The following COL15A1 variants were observed in gnomAD, a reference collection of about 807,000 sequenced individuals.
COL15A1 encodes collagen alpha-1(XV) chain.
A neutral mutation model predicts 165.9 loss-of-function variants in COL15A1; 111 were observed. The observed-to-expected ratio is 0.67, with a 90% CI of 0.57 to 0.78. The LOEUF is 0.78. Ranked by LOEUF, COL15A1 falls within the 30% of genes least tolerant of loss-of-function variation. The probability of loss-of-function intolerance (pLI) is 0.00; values close to 1 mark genes in which losing one functional copy is unlikely to be tolerated. For synonymous variants in COL15A1, 659 were observed against 674.8 expected (o/e 0.98, Z 0.36); for missense variants, 1,745 against 1,789.7 (o/e 0.98, Z 0.45).
At chr9:99,020,618 A>G (rs546751483) in intron 12 of COL15A1, among the ~76,000 whole-genome samples, 176 bp downstream of exon 12, 1 of 152,360 alleles carries the variant, frequency 6.6e-6, no homozygotes, top group South Asian at 2.1e-4. Context: ...GGCACTGGGC[A>G]GTTCTGACTG....
intron 9 of COL15A1, among the ~76,000 whole-genome samples, chr9:99,009,026 T>C (rs1838806600): frequency 1.3e-5 from 2 of 152,256 alleles, no homozygotes; most frequent in Non-Finnish European, 2.9e-5. Context: ...ATTTTCAGTC[T>C]TCTAAAAGTC....
intron 15 of COL15A1, among the ~76,000 whole-genome samples, chr9:99,025,560 C>T (rs531250171): frequency 2.6e-5 from 4 of 152,314 alleles, no homozygotes; most frequent in African/African-American, 9.6e-5. Flanking sequence ...AGTCAAGAAG[C>T]GTCTGTACAG....
chr9:99,031,818 T>C (rs1360395198), intron 16 of COL15A1, among the ~76,000 whole-genome samples: 1 of 152,262 alleles, frequency 6.6e-6, no homozygotes, highest in African/African-American at 2.4e-5. Context: ...TAGTTTTCAT[T>C]GCCTCATGTG....
chr9:99,016,617 A>G (rs1838939152), intron 11 of COL15A1, among the ~76,000 whole-genome samples: 3 of 152,252 alleles, frequency 2.0e-5, no homozygotes, highest in Admixed American at 2.0e-4. Context: ...GAATGAATGC[A>G]GGTTGGAGAA....
In COL15A1 at chr9:99,005,032, C is replaced by T. The variant is rs147720546; in HGVS notation, c.1335C>T (p.Leu445=). 157 of 1,610,126 alleles carry T rather than the reference C, an allele frequency of 9.8e-5. 4 individuals carry two copies. The African/African-American group carries it at 1.5e-3, about 15-fold the overall frequency. ...ELDLSMSAQS[L]GEEATVGPSS... ...ACCTCTCCATGTCCGCCCAGAGCCT[C>T]GGGGAAGAGGCCACTGTGGTAAGGA... Residue 445 remains leucine, a synonymous_variant, in exon 9 of 42, where the codon CTC becomes CTT. Transcript: ENST00000375001.
In COL15A1 at chr9:99,070,743, C is replaced by A; in HGVS notation, c.*857C>A. 1 of 357,242 alleles carries A rather than the reference C, an allele frequency of 2.8e-6. No homozygotes were observed. The allele number at this position is 357,242 out of a possible 1,614,324, so 22.1% of individuals were successfully genotyped here. A position where few individuals can be genotyped will look rare whatever the true frequency, so the allele number is the denominator to read the frequency against. On this transcript the variant is annotated 3_prime_UTR_variant, in exon 42 of 42. Transcript: ENST00000375001. ...CATGTTGTATAATTGGATTTTTTTT[C>A]CATGTAAGTGAACATAAAAACATCT...
chr9:98,976,156 G>C (rs547958732), intron 2 of COL15A1, among the ~76,000 whole-genome samples: 1 of 152,286 alleles, frequency 6.6e-6, no homozygotes, highest in Admixed American at 6.5e-5. Flanking sequence ...CACTACACAA[G>C]GCACAATGTG....
intron 2 of COL15A1, among the ~76,000 whole-genome samples, chr9:98,959,237 A>AAAT (rs1332457695): frequency 6.6e-6 from 1 of 151,434 alleles, no homozygotes; most frequent in Non-Finnish European, 1.5e-5. Flanking sequence ...CAAAAAAAAA[A>AAAT]AAAAAAAAAA....
chr9:99,061,506 A>G (rs1006910525), intron 36 of COL15A1, among the ~76,000 whole-genome samples: 2 of 152,242 alleles, frequency 1.3e-5, no homozygotes, highest in East Asian at 1.9e-4. Flanking sequence ...GACCTTAAGT[A>G]TAGTTGCTCA....
chr9:99,025,999 G>A lies in COL15A1; in HGVS notation c.2043+33G>A, dbSNP rs2119021822. ...GAACACGGGAGGGTCCCACCACATG[G>A]GAGCCACCAGGCCCACACTACTCTC... On this transcript the variant is annotated intron_variant, in intron 16 of 41. Coordinates refer to ENST00000375001, the MANE Select transcript of COL15A1 (RefSeq NM_001855.5). 3.8e-6 allele frequency: 6 copies of A among 1,584,448 alleles called. No individual in the cohort carries two copies. The African/African-American group carries it at 5.4e-5, about 14-fold the overall frequency.
intron 7 of COL15A1, among the ~76,000 whole-genome samples, chr9:99,001,416 A>G (rs1469931176): frequency 2.0e-5 from 3 of 152,152 alleles, no homozygotes; most frequent in African/African-American, 7.2e-5. Context: ...GTTTTCTCAC[A>G]ATGGCCCCTG....
intron 7 of COL15A1, among the ~76,000 whole-genome samples, chr9:99,003,201 G>C (rs1401621166): frequency 6.6e-6 from 1 of 152,268 alleles, no homozygotes; most frequent in Admixed American, 6.5e-5. Context: ...GCTAGACCAG[G>C]CTGACTCAGG....
chr9:99,036,269 G>T (rs149085555), intron 20 of COL15A1, 44 bp from the exon 21 acceptor site: 4 of 1,613,692 alleles, frequency 2.5e-6, no homozygotes, highest in Admixed American at 1.7e-5. Flanking sequence ...GAGCATTATC[G>T]CTGTACAGTG....
intron 9 of COL15A1, among the ~76,000 whole-genome samples, chr9:99,014,791 A>G (rs1838900802): frequency 6.6e-6 from 1 of 152,226 alleles, no homozygotes; most frequent in Non-Finnish European, 1.5e-5. Context: ...ATCAGTATAT[A>G]TAAGGTGTAC....
At chr9:99,048,793 A>G (rs1426648157) in intron 28 of COL15A1, among the ~76,000 whole-genome samples, 1 of 144,476 alleles carries the variant, frequency 6.9e-6, no homozygotes, top group Non-Finnish European at 1.5e-5. Context: ...TAACTATTGC[A>G]TGAGATACTA....
intron 16 of COL15A1, among the ~76,000 whole-genome samples, chr9:99,026,966 T>C (rs1839136877): frequency 6.6e-6 from 1 of 152,206 alleles, no homozygotes; most frequent in South Asian, 2.1e-4. Context: ...AATGAAACTT[T>C]TTTCAGACAC....
chr9:98,963,050 A>G (rs114154301), intron 2 of COL15A1, among the ~76,000 whole-genome samples: 56 of 152,322 alleles, frequency 3.7e-4, no homozygotes, highest in African/African-American at 1.3e-3. Flanking sequence ...TTTAGCATGG[A>G]GATCTTGGGT....
chr9:98,990,567 GTTCACAA>G (rs1430229508), intron 5 of COL15A1, among the ~76,000 whole-genome samples: 1 of 152,238 alleles, frequency 6.6e-6, no homozygotes, highest in Non-Finnish European at 1.5e-5. Flanking sequence ...CTGTGCACCA[GTTCACAA>G]TTCACAGCGA....
At chr9:99,026,870 T>C (rs767769478) in intron 16 of COL15A1, among the ~76,000 whole-genome samples, 5 of 152,178 alleles carry the variant, frequency 3.3e-5, no homozygotes, top group Non-Finnish European at 7.3e-5. Context: ...ACCTGTCTGC[T>C]CCTCACCCCC....
Sources: gnomAD v4.1 joint callset for allele counts (sites outside exome capture counted in the v4.1 genomes callset) on GRCh38, gnomAD v4.1.1 for gene constraint, MANE v1.5 for transcripts, NCBI Gene and HGNC (gene_info 2026-07-23, HGNC 2026-07-21) for gene names.